The following GABBR2 variants were observed in gnomAD, a reference collection of about 807,000 sequenced individuals.
GABBR2 encodes the protein gamma-aminobutyric acid type B receptor subunit 2.
A neutral mutation model predicts 105.6 loss-of-function variants in GABBR2; 23 were observed. The ratio of observed to expected loss-of-function variants is 0.22; its 90% CI spans 0.16 to 0.31. The LOEUF (loss-of-function observed/expected upper bound fraction) is 0.31, where lower values mean the gene tolerates loss of function less well. Ranked by LOEUF, GABBR2 falls within the 10% of genes least tolerant of loss-of-function variation. The pLI is 1.00. For missense variants in GABBR2, 734 were observed against 1,245.5 expected, an observed-to-expected ratio of 0.59 and a Z score of 6.18; for synonymous variants, 478 against 499.7, an observed-to-expected ratio of 0.96 and a Z score of 0.58.
intron 1 of GABBR2, among the ~76,000 whole-genome samples, chr9:98,588,654 C>A (rs930270165): frequency 2.0e-5 from 3 of 152,180 alleles, no homozygotes; most frequent in Non-Finnish European, 2.9e-5. Context: ...GGAGTCAAAC[C>A]CATGGAGTCA....
intron 17 of GABBR2, among the ~76,000 whole-genome samples, chr9:98,294,526 G>A (rs1225843404): frequency 2.0e-5 from 3 of 149,266 alleles, no homozygotes; most frequent in Non-Finnish European, 4.4e-5. Context: ...CACTCAGATC[G>A]TGCCACCAGT....
chr9:98,642,831 G>A (rs1009333172), intron 1 of GABBR2, among the ~76,000 whole-genome samples: 2 of 152,176 alleles, frequency 1.3e-5, no homozygotes, highest in African/African-American at 2.4e-5. Flanking sequence ...TTTGAAAAGC[G>A]CTTCTCAGGC....
At chr9:98,555,716 A>G (rs1324957950) in intron 2 of GABBR2, 1 of 152,222 alleles carries the variant, frequency 6.6e-6, no homozygotes, top group Admixed American at 6.5e-5. Flanking sequence ...ACAAGTTGAA[A>G]TCACATCTGT....
At chr9:98,579,396 T>C (rs1828968901) in intron 1 of GABBR2, among the ~76,000 whole-genome samples, 1 of 152,140 alleles carries the variant, frequency 6.6e-6, no homozygotes, top group South Asian at 2.1e-4. Flanking sequence ...ACTCAGCGCC[T>C]TTCCATCCCC....
chr9:98,483,516 T>C (rs1277208985), intron 4 of GABBR2, among the ~76,000 whole-genome samples: 6 of 152,188 alleles, frequency 3.9e-5, no homozygotes, highest in Non-Finnish European at 8.8e-5. Flanking sequence ...AAGATAGAGA[T>C]GGTAAAGATC....
At chr9:98,510,306 CT>C (rs1297350481) in intron 3 of GABBR2, among the ~76,000 whole-genome samples, 1 of 152,202 alleles carries the variant, frequency 6.6e-6, no homozygotes, top group Non-Finnish European at 1.5e-5. Context: ...GTACCAGCCA[CT>C]GCAAAAACAT....
chr9:98,290,656 G>A lies in GABBR2; in HGVS notation c.2754C>T (p.Cys918=), dbSNP rs756193791. The A allele has an allele frequency of 1.9e-5, 28 of 1,465,366 alleles. No homozygotes were observed. Among genetic ancestry groups the A allele is most frequent in the East Asian group, 1.7e-4 (6 of 36,204 alleles). 90.8% of individuals were successfully genotyped at this position (1,465,366 alleles called of 1,614,324 possible). The change falls in exon 19 of 19, where the codon TGC becomes TGT. Residue 918 remains cysteine, a synonymous_variant. Coordinates refer to ENST00000259455, the MANE Select transcript of GABBR2 (RefSeq NM_005458.8). ...GGVDASCVSP[C]VSPTASPRHR... ...GGCGGGGGCTGGCGGTGGGGCTGAC[G>A]CAGGGGCTGACACAGCTGGCGTCCA... is the stretch of plus-strand genomic sequence containing the variant.
intron 13 of GABBR2, among the ~76,000 whole-genome samples, chr9:98,354,930 T>C (rs1035089081): frequency 1.3e-5 from 2 of 152,226 alleles, no homozygotes; most frequent in African/African-American, 4.8e-5. Context: ...CAACCTGCCT[T>C]CAACCTGCCT....
chr9:98,608,990 T>C (rs138579548), intron 1 of GABBR2, among the ~76,000 whole-genome samples: 9 of 152,366 alleles, frequency 5.9e-5, no homozygotes, highest in African/African-American at 2.2e-4. Flanking sequence ...TCTACCTATA[T>C]GCAGTCTCTT....
At position 98,368,957 on chromosome 9, in the gene GABBR2, C is replaced by T. The variant is rs538214319; in HGVS notation, c.1770+2507G>A. 2.0e-5 allele frequency among the ~76,000 whole-genome samples: 3 copies of T among 152,314 alleles called. No homozygotes were observed. The South Asian group carries it at 6.2e-4, about 32-fold the overall frequency. ...CATTTCTAACAGCTTGCAGGGCAGC[C>T]GCACTCAGAAGCCCTGACCTAGACC... On this transcript the variant is annotated intron_variant, in intron 12 of 18. Transcript: ENST00000259455.
intron 3 of GABBR2, among the ~76,000 whole-genome samples, chr9:98,497,543 T>C (rs1005104381): frequency 6.6e-6 from 1 of 152,220 alleles, no homozygotes; most frequent in Non-Finnish European, 1.5e-5. Context: ...TGGGTTTTAG[T>C]AGCAAGAACT....
At chr9:98,508,152 G>A (rs1827551248) in intron 3 of GABBR2, among the ~76,000 whole-genome samples, 1 of 152,208 alleles carries the variant, frequency 6.6e-6, no homozygotes, top group South Asian at 2.1e-4. Flanking sequence ...TTAAGGTGAT[G>A]AATAGAAACT....
intron 13 of GABBR2, among the ~76,000 whole-genome samples, chr9:98,354,448 C>T (rs1452694486): frequency 6.6e-6 from 1 of 152,226 alleles, no homozygotes; most frequent in African/African-American, 2.4e-5. Flanking sequence ...CCAACATAAG[C>T]CTGTTTCATC....
chr9:98,665,559 G>A (rs1451180685), intron 1 of GABBR2, among the ~76,000 whole-genome samples: 1 of 152,148 alleles, frequency 6.6e-6, no homozygotes, highest in East Asian at 1.9e-4. Flanking sequence ...TATAGTACTA[G>A]AGGAATCTGG....
chr9:98,583,779 T>C (rs1829034075), intron 1 of GABBR2, among the ~76,000 whole-genome samples: 1 of 152,234 alleles, frequency 6.6e-6, no homozygotes, highest in Admixed American at 6.5e-5. Context: ...TCACAGGATC[T>C]GTCCTTCCAG....
intron 1 of GABBR2, among the ~76,000 whole-genome samples, chr9:98,583,126 C>T (rs1464293282): frequency 2.0e-5 from 3 of 152,222 alleles, no homozygotes; most frequent in South Asian, 2.1e-4. Flanking sequence ...AGAGAAACAA[C>T]GTACTGGGCA....
intron 1 of GABBR2, among the ~76,000 whole-genome samples, chr9:98,610,163 C>T (rs1465188557): frequency 6.6e-6 from 1 of 152,252 alleles, no homozygotes; most frequent in Non-Finnish European, 1.5e-5. Flanking sequence ...GCTCCAGAAA[C>T]TGCTGCCTGG....
At chr9:98,495,697 C>T (rs1827263563) in intron 4 of GABBR2, among the ~76,000 whole-genome samples, 1 of 152,190 alleles carries the variant, frequency 6.6e-6, no homozygotes, top group African/African-American at 2.4e-5. Flanking sequence ...GGATCCCTCT[C>T]TTCCTCCTCC....
intron 1 of GABBR2, among the ~76,000 whole-genome samples, chr9:98,700,654 C>G (rs1382435092): frequency 3.9e-5 from 6 of 152,148 alleles, no homozygotes; most frequent in Admixed American, 2.0e-4. Context: ...CCTGAAGGAC[C>G]CCAATTGACA....
Sources: gnomAD v4.1 joint callset for allele counts (sites outside exome capture counted in the v4.1 genomes callset) on GRCh38, gnomAD v4.1.1 for gene constraint, MANE v1.5 for transcripts, NCBI Gene and HGNC (gene_info 2026-07-23, HGNC 2026-07-21) for gene names.